SENP7: variants seen among roughly 807,000 people sequenced by gnomAD.
The protein encoded by SENP7 is sentrin-specific protease 7.
In SENP7, 64 loss-of-function variants were observed where a neutral mutation model predicts 141.2. The observed-to-expected ratio is 0.45, with a 90% confidence interval of 0.37 to 0.56. The LOEUF (loss-of-function observed/expected upper bound fraction) is 0.56, where lower values mean the gene tolerates loss of function less well. SENP7 is among the 20% of genes least tolerant of loss of function. The probability of loss-of-function intolerance (pLI) is 0.00; values close to 1 mark genes in which losing one functional copy is unlikely to be tolerated. For missense variants in SENP7, 1,025 were observed against 1,212.2 expected (o/e 0.85, Z 2.29); for synonymous variants, 382 against 426.4 (o/e 0.90, Z 1.28).
chr3:101,493,333 C>A (rs1207615958), intron 3 of SENP7, among the ~76,000 whole-genome samples: 1 of 152,046 alleles, frequency 6.6e-6, no homozygotes, highest in Non-Finnish European at 1.5e-5. Flanking sequence ...GTACAATAAA[C>A]CCCCATGACA....
chr3:101,389,435 C>T (rs988879813), intron 6 of SENP7, among the ~76,000 whole-genome samples: 2 of 151,984 alleles, frequency 1.3e-5, no homozygotes, highest in African/African-American at 4.8e-5. Flanking sequence ...AGAGAATCTC[C>T]ATCAAACAAA....
chr3:101,377,827 T>C (rs962605837), intron 6 of SENP7, among the ~76,000 whole-genome samples: 1 of 152,198 alleles, frequency 6.6e-6, no homozygotes, highest in East Asian at 1.9e-4. Context: ...CTTCATTATA[T>C]TCCAGGTATG....
At chr3:101,509,280 T>G (rs916963285) in intron 1 of SENP7, among the ~76,000 whole-genome samples, 1 of 152,220 alleles carries the variant, frequency 6.6e-6, no homozygotes, top group African/African-American at 2.4e-5. Flanking sequence ...AGCTTACTTT[T>G]GCTGCCCCAT....
At chr3:101,372,478 G>C (rs1330783248) in intron 6 of SENP7, among the ~76,000 whole-genome samples, 2 of 152,056 alleles carry the variant, frequency 1.3e-5, no homozygotes, top group African/African-American at 4.8e-5. Flanking sequence ...CCTATGTATA[G>C]GCAAACAATT....
chr3:101,449,326 A>G (rs2063026318), intron 4 of SENP7, among the ~76,000 whole-genome samples: 2 of 152,226 alleles, frequency 1.3e-5, no homozygotes, highest in Non-Finnish European at 2.9e-5. Context: ...AACTTCCCCA[A>G]TCTAGCAAGG....
intron 4 of SENP7, among the ~76,000 whole-genome samples, chr3:101,454,537 A>G (rs1203166758): frequency 6.6e-6 from 1 of 152,184 alleles, no homozygotes; most frequent in African/African-American, 2.4e-5. Flanking sequence ...AAGAAAAAAG[A>G]AAACATATGT....
chr3:101,480,907 T>C (rs549146385), intron 3 of SENP7, among the ~76,000 whole-genome samples: 70 of 145,796 alleles, frequency 4.8e-4, no homozygotes, highest in Non-Finnish European at 6.9e-4. Context: ...GAAATGTAAA[T>C]AAAACCACAA....
rs1234744457 is a variant in SENP7, at chr3:101,327,767, T to C, written c.2914A>G (p.Ser972Gly). ...CATAGATCCACCATGTTTGTTTTGCTGAATTGACGATGAGTTTTTAGTTTA... is the reference window on the plus strand; with the variant it reads ...CATAGATCCACCATGTTTGTTTTGCCGAATTGACGATGAGTTTTTAGTTTA... Reference protein sequence around the residue: ...EVKLKTHRQFSKTNMVDLCPK... With the variant: ...EVKLKTHRQFGKTNMVDLCPK... The change falls in exon 23 of 24, where the codon AGC becomes GGC. Residue 972 changes from serine to glycine, a missense_variant. Ser to Gly is a moderately conservative substitution (Grantham distance 56). Transcript: ENST00000394095. 1 of 1,611,424 alleles carries C rather than the reference T, an allele frequency of 6.2e-7. No homozygotes were observed. Among genetic ancestry groups the C allele is most frequent in the Non-Finnish European group, 8.5e-7 (1 of 1,178,392 alleles).
At chr3:101,401,617 T>C (rs1191932173) in intron 5 of SENP7, among the ~76,000 whole-genome samples, 2 of 151,894 alleles carry the variant, frequency 1.3e-5, no homozygotes, top group Admixed American at 6.6e-5. Context: ...ACTGATGATA[T>C]GGAGAAAGTT....
intron 5 of SENP7, among the ~76,000 whole-genome samples, chr3:101,399,783 G>A (rs998592961): frequency 3.9e-5 from 6 of 152,052 alleles, no homozygotes; most frequent in African/African-American, 9.7e-5. Flanking sequence ...AAGCCACCAC[G>A]CCCAGGTAAC....
intron 3 of SENP7, among the ~76,000 whole-genome samples, chr3:101,487,187 C>T (rs1326839004): frequency 6.6e-6 from 1 of 152,036 alleles, no homozygotes. Flanking sequence ...TTTAATACTC[C>T]ACTGACAGCA....
chr3:101,393,307 C>T (rs1238152306), intron 6 of SENP7, among the ~76,000 whole-genome samples: 2 of 152,028 alleles, frequency 1.3e-5, no homozygotes, highest in Non-Finnish European at 2.9e-5. Flanking sequence ...ACCCAAAAAG[C>T]ACAGGTAACA....
intron 1 of SENP7, among the ~76,000 whole-genome samples, chr3:101,508,803 CACT>C (rs2065733474): frequency 1.3e-5 from 2 of 152,116 alleles, no homozygotes. Flanking sequence ...TAATGCTTGG[CACT>C]ACTAAGTCAC....
chr3:101,431,449 T>C (rs535150410), intron 4 of SENP7, among the ~76,000 whole-genome samples: 2 of 151,970 alleles, frequency 1.3e-5, no homozygotes, highest in South Asian at 4.2e-4. Context: ...CTTCTTTGGT[T>C]TTTCTGATCT....
chr3:101,485,150 C>T (rs2064674287), intron 3 of SENP7, among the ~76,000 whole-genome samples: 1 of 152,058 alleles, frequency 6.6e-6, no homozygotes, highest in Non-Finnish European at 1.5e-5. Flanking sequence ...GCCCCACCTC[C>T]ACCTGATGGT....
intron 8 of SENP7, 21 bp downstream of exon 8, chr3:101,367,809 T>C (rs1349735058): frequency 2.1e-6 from 3 of 1,416,474 alleles, no homozygotes; most frequent in East Asian, 2.5e-5. Flanking sequence ...TTTCCTATAA[T>C]ATCTAAATAC....
At chr3:101,478,889 T>A (rs2064332832) in intron 3 of SENP7, among the ~76,000 whole-genome samples, 2 of 152,140 alleles carry the variant, frequency 1.3e-5, no homozygotes, top group African/African-American at 4.8e-5. Flanking sequence ...GATGCAAGAA[T>A]GGTTCAACAT....
chr3:101,426,718 G>C (rs778433276), intron 4 of SENP7, among the ~76,000 whole-genome samples: 22 of 152,230 alleles, frequency 1.4e-4, no homozygotes, highest in Admixed American at 2.0e-4. Context: ...CAGACCTCAA[G>C]TGATCCTCCC....
intron 11 of SENP7, among the ~76,000 whole-genome samples, chr3:101,361,423 A>C (rs2059899153): frequency 6.6e-6 from 1 of 152,184 alleles, no homozygotes; most frequent in South Asian, 2.1e-4. Context: ...CTATACCTTG[A>C]AAAAAATTTT....
Sources: gnomAD v4.1 joint callset for allele counts (sites outside exome capture counted in the v4.1 genomes callset) on GRCh38, gnomAD v4.1.1 for gene constraint, MANE v1.5 for transcripts, NCBI Gene and HGNC (gene_info 2026-07-23, HGNC 2026-07-21) for gene names.